Variants in GPR3 observed in about 807,000 individuals in gnomAD.
GPR3 encodes ACCA orphan receptor.
Under a neutral mutation model 18.2 loss-of-function variants are expected in GPR3, and 16 were observed. The ratio of observed to expected loss-of-function variants is 0.88; its 90% CI spans 0.60 to 1.34. The LOEUF is 1.34. GPR3 is among the 40% of genes most tolerant of loss of function. The pLI is 0.00. For missense variants in GPR3, 326 were observed against 427.6 expected, an observed-to-expected ratio of 0.76 and a Z score of 2.10; for synonymous variants, 183 against 188.9, an observed-to-expected ratio of 0.97 and a Z score of 0.26.
At position 27,392,674 on chromosome 1, in the gene GPR3, C is replaced by T. The variant is rs995120200; in HGVS notation, c.-69C>T. 1 of 152,116 alleles carries T rather than the reference C, an allele frequency of 6.6e-6. No homozygotes were observed. The highest frequency in any genetic ancestry group is 1.9e-4 in the East Asian group (1 of 5,130). The allele number at this position is 152,116 out of a possible 1,614,324, so 9.4% of individuals were successfully genotyped here. ...GCGGGGGCTTCTCGGGGTCCACGCA[C>T]GCCCTGCGCCGCCAGGACCCGAGCG... On this transcript the variant is annotated 5_prime_UTR_variant, in exon 1 of 2. It adds an upstream start codon to the 5' untranslated region. Transcript: ENST00000374024.
At position 27,394,949 on chromosome 1, in the gene GPR3, A is replaced by G. The variant is rs918243049; in HGVS notation, c.*158A>G. The stretch of plus-strand genomic sequence containing the variant: ...GTTTCAAGGTTCTGTTCAGATCCCT[A>G]TGGGGGCCCAGCTGGCTCCACGGTT... On this transcript the variant is annotated 3_prime_UTR_variant, in exon 2 of 2. Coordinates refer to ENST00000374024, the MANE Select transcript of GPR3 (RefSeq NM_005281.4). 7 of 725,672 alleles carry G rather than the reference A, an allele frequency of 9.6e-6. No homozygotes were observed. The highest frequency in any genetic ancestry group is 2.9e-5 in the Admixed American group (1 of 34,294). 45.0% of individuals were successfully genotyped at this position (725,672 alleles called of 1,614,324 possible).
At position 27,394,640 on chromosome 1, in the gene GPR3, T is replaced by G; in HGVS notation, c.842T>G (p.Leu281Arg). Residue 281 changes from leucine to arginine, a missense_variant, in exon 2 of 2, where the codon CTT (leucine) becomes CGT (arginine). Physicochemically the swap from Leu to Arg is moderately radical, Grantham distance 102. Transcript: ENST00000374024. Reference sequence around the variant, plus strand: ...CACTCTCCACCTCTCTACACCTATCTTACCTTGCTCCCTGCCACCTACAAC... The same window carrying G: ...CACTCTCCACCTCTCTACACCTATCGTACCTTGCTCCCTGCCACCTACAAC... Reference protein sequence around the residue: ...DAHSPPLYTYLTLLPATYNSM... With the variant: ...DAHSPPLYTYRTLLPATYNSM... 6.2e-7 allele frequency: 1 copy of G among 1,614,152 alleles called. No homozygotes were observed. The highest frequency in any genetic ancestry group is 8.5e-7 in the Non-Finnish European group (1 of 1,180,022).
At position 27,393,894 on chromosome 1, in the gene GPR3, T is replaced by C. The variant is rs1228966365; in HGVS notation, c.96T>C (p.Gly32=). The C allele has an allele frequency of 6.2e-6, 10 of 1,608,922 alleles. No individual in the cohort carries two copies. The highest frequency in any genetic ancestry group is 6.8e-6 in the Non-Finnish European group (8 of 1,177,856). The change falls in exon 2 of 2, where the codon GGT becomes GGC. Residue 32 remains glycine (G), a synonymous_variant. Transcript: ENST00000374024. Reference sequence around the variant, plus strand: ...TGGGCCCAGCAGAGGGGCCCACAGGTCCAGCCGCACCACTGCCCTCGCCTA... The same window carrying C: ...TGGGCCCAGCAGAGGGGCCCACAGGCCCAGCCGCACCACTGCCCTCGCCTA... ...SSVGPAEGPT[G]PAAPLPSPKA...
In GPR3 at chr1:27,394,971, G is replaced by A. The variant is rs983885016; in HGVS notation, c.*180G>A. The A allele has an allele frequency of 6.2e-6, 4 of 643,400 alleles. No homozygotes were observed. Among genetic ancestry groups the A allele is most frequent in the Admixed American group, 3.1e-5 (1 of 32,692 alleles). 39.9% of individuals were successfully genotyped at this position (643,400 alleles called of 1,614,324 possible). On this transcript the variant is annotated 3_prime_UTR_variant, in exon 2 of 2. Coordinates refer to ENST00000374024, the MANE Select transcript of GPR3 (RefSeq NM_005281.4). ...CCTATGGGGGCCCAGCTGGCTCCAC[G>A]GTTCCAGAATGTTCAGGTGGTCAGT...
chr1:27,394,037 G>A lies in GPR3; in HGVS notation c.239G>A (p.Gly80Asp), dbSNP rs761969089. The change falls in exon 2 of 2, where the codon GGC (glycine) becomes GAC (aspartate). Residue 80 changes from glycine (G) to aspartate (D), a missense_variant. Coordinates refer to ENST00000374024, the MANE Select transcript of GPR3 (RefSeq NM_005281.4). The stretch of plus-strand genomic sequence containing the variant: ...CGTGCCCCCATGTTCCTGCTGGTGG[G>A]CAGCCTGGCCGTGGCAGACCTGCTG... ...AFRAPMFLLV[G>D]SLAVADLLAG... The A allele has an allele frequency of 3.2e-5, 51 of 1,611,182 alleles. No homozygotes were observed. The South Asian group carries it at 5.2e-4, about 16-fold the overall frequency.
Position 27,394,466 on chromosome 1 carries a change from A to G in GPR3, c.668A>G (p.His223Arg). 1 of 1,614,082 alleles carries G rather than the reference A, an allele frequency of 6.2e-7. No homozygotes were observed. The highest frequency in any genetic ancestry group is 8.5e-7 in the Non-Finnish European group (1 of 1,180,022). The change falls in exon 2 of 2, where the codon CAT becomes CGT. Residue 223 changes from histidine (H) to arginine (R), a missense_variant. His to Arg is a conservative substitution (Grantham distance 29). Transcript: ENST00000374024. Reference sequence around the variant, plus strand: ...CAAATCTGCCGCATCGTCTGCCGCCATGCCCAGCAGATTGCCCTTCAGCGG... The same window carrying G: ...CAAATCTGCCGCATCGTCTGCCGCCGTGCCCAGCAGATTGCCCTTCAGCGG... ...YAQICRIVCR[H>R]AQQIALQRHL...
chr1:27,395,495 G>A lies in GPR3; in HGVS notation c.*704G>A, dbSNP rs2016535665. 6.0e-6 allele frequency: 1 copy of A among 167,122 alleles called. No homozygotes were observed. Among genetic ancestry groups the A allele is most frequent in the Non-Finnish European group, 1.5e-5 (1 of 68,130 alleles). The allele number at this position is 167,122 out of a possible 1,614,324, so 10.4% of individuals were successfully genotyped here. On this transcript the variant is annotated 3_prime_UTR_variant, in exon 2 of 2. Transcript: ENST00000374024. ...TTGGAAGGGGAACACACCAGCCTCT[G>A]GTTTTTTATTTTTTTAAGAAGCCAT...
rs2148086187 is a variant in GPR3, at chr1:27,394,815, C to A, written c.*24C>A. ...AGCTGAGTCTTCATGACCCTTCAAC[C>A]CTGATTACTACAGAATTCCAGAATG... is the stretch of plus-strand genomic sequence containing the variant. On this transcript the variant is annotated 3_prime_UTR_variant, in exon 2 of 2. Transcript: ENST00000374024. 3 of 1,602,606 alleles carry A rather than the reference C, an allele frequency of 1.9e-6. No homozygotes were observed. Among genetic ancestry groups the A allele is most frequent in the Non-Finnish European group, 2.6e-6 (3 of 1,173,060 alleles).
In GPR3 at chr1:27,394,279, T is replaced by G. The variant is rs1268829147; in HGVS notation, c.481T>G (p.Trp161Gly). ...GACCTATGTGATGCTGGCCTTAGTG[T>G]GGGGAGGTGCCCTGGGCCTGGGGCT... is the stretch of plus-strand genomic sequence containing the variant. ...TRTYVMLALV[W>G]GGALGLGLLP... The change falls in exon 2 of 2, where the codon TGG becomes GGG. Residue 161 changes from tryptophan (W) to glycine (G), a missense_variant. Transcript: ENST00000374024. 6.2e-7 allele frequency: 1 copy of G among 1,613,060 alleles called. No individual in the cohort carries two copies. The highest frequency in any genetic ancestry group is 8.5e-7 in the Non-Finnish European group (1 of 1,180,028).
chr1:27,395,299 C>G lies in GPR3; in HGVS notation c.*508C>G, dbSNP rs1299741052. On this transcript the variant is annotated 3_prime_UTR_variant, in exon 2 of 2. Transcript: ENST00000374024. ...AAAAAAGAGGCCCACACCTTGATAT[C>G]CAGGCCATACCAGGGTATCCCTTGT... 1 of 169,242 alleles carries G rather than the reference C, an allele frequency of 5.9e-6. No individual in the cohort carries two copies. Among genetic ancestry groups the G allele is most frequent in the Non-Finnish European group, 1.4e-5 (1 of 69,760 alleles). The allele number at this position is 169,242 out of a possible 1,614,324, so 10.5% of individuals were successfully genotyped here.
Position 27,394,727 on chromosome 1 carries a change from C to T in GPR3, c.929C>T (p.Ala310Val). Residue 310 changes from alanine to valine, a missense_variant, in exon 2 of 2, where the codon GCT becomes GTT. Ala to Val is a moderately conservative substitution (Grantham distance 64). Transcript: ENST00000374024. ...RNQDVQKVLW[A>V]VCCCCSSSKI... ...CAGGATGTGCAGAAAGTGCTGTGGG[C>T]TGTCTGCTGCTGCTGTTCCTCTTCC... is the stretch of plus-strand genomic sequence containing the variant. 1 of 1,614,210 alleles carries T rather than the reference C, an allele frequency of 6.2e-7. No homozygotes were observed. Among genetic ancestry groups the T allele is most frequent in the Non-Finnish European group, 8.5e-7 (1 of 1,180,048 alleles).
chr1:27,392,835 G>T (rs1271116841), intron 1 of GPR3, 98 bp downstream of exon 1: 1 of 152,370 alleles, frequency 6.6e-6, no homozygotes, highest in Non-Finnish European at 1.5e-5. Context: ...GCCGGCCGGG[G>T]TTCGAGTTCG....
Position 27,395,364 on chromosome 1 carries a change from GA to G in GPR3, c.*576del. 1 of 167,430 alleles carries G rather than the reference GA, an allele frequency of 6.0e-6. No homozygotes were observed. The highest frequency in any genetic ancestry group is 2.1e-4 in the South Asian group (1 of 4,828). 10.4% of individuals were successfully genotyped at this position (167,430 alleles called of 1,614,324 possible). A position where few individuals can be genotyped will look rare whatever the true frequency, so the allele number is the denominator to read the frequency against. On this transcript the variant is annotated 3_prime_UTR_variant, in exon 2 of 2. Transcript: ENST00000374024. ...TTCTGACCTCAGTTCCTGGAGGGGGGAAAGGGTGAAAGAGAAACCACGTATT... is the reference window on the plus strand; with the variant it reads ...TTCTGACCTCAGTTCCTGGAGGGGGGAAGGGTGAAAGAGAAACCACGTATT...
chr1:27,393,727 AC>A, intron 1 of GPR3, 66 bp from the exon 2 acceptor site: 1 of 1,359,756 alleles, frequency 7.4e-7, no homozygotes. Flanking sequence ...GAAGCACCTC[AC>A]CCCCTCCAGA....
rs1200703254 is a variant in GPR3 at position 27,394,891 on chromosome 1, C to T, written c.*100C>T. On this transcript the variant is annotated 3_prime_UTR_variant, in exon 2 of 2. Transcript: ENST00000374024. Reference sequence around the variant, plus strand: ...AACCCCCAGCTCCACACCCCCCAGACCCAGCTGGTTCTGGAGTTCTAGGAC... The same window carrying T: ...AACCCCCAGCTCCACACCCCCCAGATCCAGCTGGTTCTGGAGTTCTAGGAC... 7.7e-7 allele frequency: 1 copy of T among 1,303,666 alleles called. No individual in the cohort carries two copies. Among genetic ancestry groups the T allele is most frequent in the Non-Finnish European group, 1.1e-6 (1 of 929,812 alleles). The allele number at this position is 1,303,666 out of a possible 1,614,324, so 80.8% of individuals were successfully genotyped here. A position where few individuals can be genotyped will look rare whatever the true frequency, so the allele number is the denominator to read the frequency against.
chr1:27,395,579 T>TG lies in GPR3; in HGVS notation c.*792dup, dbSNP rs953669216. The stretch of plus-strand genomic sequence containing the variant: ...GTCCGACTGCCCTCTGGTGGCCATT[T>TG]GGGGAAAACTGCAGCCCGGCCAGGC... On this transcript the variant is annotated 3_prime_UTR_variant, in exon 2 of 2. Coordinates refer to ENST00000374024, the MANE Select transcript of GPR3 (RefSeq NM_005281.4). 1.2e-5 allele frequency: 2 copies of TG among 167,054 alleles called. No homozygotes were observed. The highest frequency in any genetic ancestry group is 4.8e-5 in the African/African-American group (2 of 41,448). 10.3% of individuals were successfully genotyped at this position (167,054 alleles called of 1,614,324 possible).
rs1439545309 is a variant in GPR3, at chr1:27,394,295, G to C, written c.497G>C (p.Gly166Ala). ...MLALVWGGALGLGLLPVLAWN... is the reference protein window; with the variant it reads ...MLALVWGGALALGLLPVLAWN... ...GCCTTAGTGTGGGGAGGTGCCCTGG[G>C]CCTGGGGCTGCTGCCTGTGCTGGCC... Residue 166 changes from glycine (G) to alanine (A), a missense_variant, in exon 2 of 2, where the codon GGC becomes GCC. Physicochemically the swap from Gly to Ala is moderately conservative, Grantham distance 60. Coordinates refer to ENST00000374024, the MANE Select transcript of GPR3 (RefSeq NM_005281.4). 1.9e-6 allele frequency: 3 copies of C among 1,613,148 alleles called. No individual in the cohort carries two copies.
rs1369489213 is a variant in GPR3 at position 27,395,418 on chromosome 1, C to T, written c.*627C>T. On this transcript the variant is annotated 3_prime_UTR_variant, in exon 2 of 2. Transcript: ENST00000374024. ...GTTATTATTTTGGATTATTTTTTATCGAAGAGATCATAGAAACCAGAGCCT... is the reference window on the plus strand; with the variant it reads ...GTTATTATTTTGGATTATTTTTTATTGAAGAGATCATAGAAACCAGAGCCT... 1.2e-5 allele frequency: 2 copies of T among 167,046 alleles called. No homozygotes were observed. The highest frequency in any genetic ancestry group is 1.9e-4 in the East Asian group (1 of 5,208). 10.3% of individuals were successfully genotyped at this position (167,046 alleles called of 1,614,324 possible).
chr1:27,394,057 C>A lies in GPR3; in HGVS notation c.259C>A (p.Leu87Met). The change falls in exon 2 of 2, where the codon CTG becomes ATG. Residue 87 changes from leucine to methionine, a missense_variant. By Grantham distance (15) the Leu-to-Met change is conservative. Transcript: ENST00000374024. ...LLVGSLAVAD[L>M]LAGLGLVLHF... The stretch of plus-strand genomic sequence containing the variant: ...GGTGGGCAGCCTGGCCGTGGCAGAC[C>A]TGCTGGCAGGCCTGGGCCTGGTCCT... The A allele has an allele frequency of 6.2e-7, 1 of 1,611,082 alleles. No individual in the cohort carries two copies. The highest frequency in any genetic ancestry group is 8.5e-7 in the Non-Finnish European group (1 of 1,180,016).
Sources: allele counts gnomAD v4.1 joint callset, GRCh38; gene constraint gnomAD v4.1.1; transcripts MANE v1.5; gene names NCBI Gene and HGNC (gene_info 2026-07-23, HGNC 2026-07-21).